The following KDM3B variants were observed in gnomAD, a reference collection of about 807,000 sequenced individuals.
The protein encoded by KDM3B is lysine-specific demethylase 3B.
A neutral mutation model predicts 170.0 loss-of-function variants in KDM3B; 10 were observed. The observed-to-expected ratio is 0.06, with a 90% CI of 0.04 to 0.10. The LOEUF is 0.10. Among genes scored for constraint, KDM3B ranks in the 10% least tolerant of loss-of-function variants. The probability of loss-of-function intolerance (pLI) is 1.00; values close to 1 mark genes in which losing one functional copy is unlikely to be tolerated. For missense variants in KDM3B, 1,394 were observed against 2,195.2 expected (o/e 0.64, Z 7.29); for synonymous variants, 831 against 834.8 (o/e 1.00, Z 0.08).
At chr5:138,423,739 T>TA (rs1763329966) in intron 15 of KDM3B, among the ~76,000 whole-genome samples, 2 of 152,202 alleles carry the variant, frequency 1.3e-5, no homozygotes. Context: ...TACACTCAGT[T>TA]ACAGCATTTG....
chr5:138,414,190 G>T (rs1014069991), intron 11 of KDM3B, among the ~76,000 whole-genome samples: 24 of 151,706 alleles, frequency 1.6e-4, no homozygotes, highest in African/African-American at 5.8e-4. Flanking sequence ...TTTTGAGATG[G>T]AGTCTCGCTC....
rs147878168 is a variant in KDM3B, at chr5:138,399,684, T to C, written c.3047-176T>C. Among the ~76,000 whole-genome samples, 375 of 152,308 alleles carry C rather than the reference T, an allele frequency of 2.5e-3. 6 individuals are homozygous for C. Among genetic ancestry groups the C allele is most frequent in the East Asian group, 0.022 (115 of 5,186 alleles). ...TAAATAAGTTATATAGTCTCTTTGT[T>C]CAGAAATACTAGAAATTATTGTATT... On this transcript the variant is annotated intron_variant, in intron 10 of 23. Coordinates refer to ENST00000314358, the MANE Select transcript of KDM3B (RefSeq NM_016604.4).
chr5:138,430,176 T>A, intron 21 of KDM3B, 73 bp from the exon 22 acceptor site: 2 of 1,528,838 alleles, frequency 1.3e-6, no homozygotes, highest in Non-Finnish European at 8.9e-7. Flanking sequence ...CTTAGGACAT[T>A]GCTGCAGCAA....
At chr5:138,409,688 T>G (rs1394354477) in intron 11 of KDM3B, among the ~76,000 whole-genome samples, 2 of 152,042 alleles carry the variant, frequency 1.3e-5, no homozygotes, top group African/African-American at 2.4e-5. Flanking sequence ...GAAACTGAAG[T>G]GGGAGAATCA....
chr5:138,362,045 C>T (rs1426565111), intron 1 of KDM3B, among the ~76,000 whole-genome samples: 3 of 152,110 alleles, frequency 2.0e-5, no homozygotes, highest in Admixed American at 6.6e-5. Flanking sequence ...CTAGGCCGGG[C>T]GCTGTGGCTC....
chr5:138,421,909 A>C (rs1580950338), intron 15 of KDM3B, among the ~76,000 whole-genome samples: 1 of 150,668 alleles, frequency 6.6e-6, no homozygotes, highest in African/African-American at 2.4e-5. Flanking sequence ...TTCAACTACC[A>C]CTCTCTGTTC....
At position 138,352,853 on chromosome 5, in the gene KDM3B, A is replaced by G; in HGVS notation, c.58A>G (p.Thr20Ala). ...GKRLLLLFAD[T>A]AASASASAPA... Reference sequence around the variant, plus strand: ...GCGGCTGCTGCTGCTGTTCGCGGACACTGCGGCCTCAGCCTCGGCCTCGGC... The same window carrying G: ...GCGGCTGCTGCTGCTGTTCGCGGACGCTGCGGCCTCAGCCTCGGCCTCGGC... The change falls in exon 1 of 24, where the codon ACT becomes GCT. Residue 20 changes from threonine (T) to alanine (A), a missense_variant. Around this residue, in one of 19 missense-constraint regions of KDM3B, gnomAD observed 99 missense variants for 97.5 expected, o/e 1.02. Transcript: ENST00000314358. 2 of 1,372,626 alleles carry G rather than the reference A, an allele frequency of 1.5e-6. No homozygotes were observed. Among genetic ancestry groups the G allele is most frequent in the South Asian group, 3.1e-5 (2 of 64,296 alleles). The allele number at this position is 1,372,626 out of a possible 1,614,324, so 85.0% of individuals were successfully genotyped here. A position where few individuals can be genotyped will look rare whatever the true frequency, so the allele number is the denominator to read the frequency against.
In KDM3B at chr5:138,392,264, G is replaced by A; in HGVS notation, c.2629+3G>A. The stretch of plus-strand genomic sequence containing the variant: ...GCCTCGGACTGCCCCCCTGAAAGGT[G>A]ATCCTGCTGGGGCTATATTTGGGCT... On this transcript the variant is annotated splice_donor_region_variant and intron_variant, in intron 8 of 23. Coordinates refer to ENST00000314358, the MANE Select transcript of KDM3B (RefSeq NM_016604.4). 1.3e-6 allele frequency: 2 copies of A among 1,485,526 alleles called. No individual in the cohort carries two copies. Among genetic ancestry groups the A allele is most frequent in the South Asian group, 1.5e-5 (1 of 68,568 alleles). The allele number at this position is 1,485,526 out of a possible 1,614,324, so 92.0% of individuals were successfully genotyped here.
intron 11 of KDM3B, among the ~76,000 whole-genome samples, chr5:138,411,144 A>G (rs551025542): frequency 6.6e-6 from 1 of 152,278 alleles, no homozygotes; most frequent in South Asian, 2.1e-4. Flanking sequence ...CTACTGCTAG[A>G]CCACGGTCCA....
chr5:138,393,433 C>T (rs1762481707), intron 9 of KDM3B, 61 bp downstream of exon 9: 1 of 1,332,340 alleles, frequency 7.5e-7, no homozygotes, highest in Non-Finnish European at 1.1e-6. Context: ...AACTTCCACT[C>T]TTTCTCTGAG....
intron 3 of KDM3B, among the ~76,000 whole-genome samples, chr5:138,375,410 A>G (rs527919521): frequency 7.3e-5 from 11 of 151,112 alleles, no homozygotes; most frequent in African/African-American, 2.7e-4. Flanking sequence ...CAGAGTCTCG[A>G]TATGTCCCCC....
chr5:138,373,401 GT>G (rs1761921297), intron 2 of KDM3B, among the ~76,000 whole-genome samples: 1 of 151,952 alleles, frequency 6.6e-6, no homozygotes, highest in Admixed American at 6.6e-5. Flanking sequence ...TCAGAGCAAG[GT>G]TTTGAAACAT....
At chr5:138,409,277 C>T (rs1762901989) in intron 11 of KDM3B, among the ~76,000 whole-genome samples, 1 of 151,780 alleles carries the variant, frequency 6.6e-6, no homozygotes, top group Admixed American at 6.6e-5. Flanking sequence ...TCTCAGACAA[C>T]ATGATCATCT....
intron 6 of KDM3B, among the ~76,000 whole-genome samples, chr5:138,384,829 A>G (rs1261631361): frequency 6.7e-6 from 1 of 149,392 alleles, no homozygotes; most frequent in African/African-American, 2.5e-5. Flanking sequence ...CAAGACAGTC[A>G]CTTGAACCCG....
chr5:138,364,002 C>T (rs1761682734), intron 1 of KDM3B, among the ~76,000 whole-genome samples: 2 of 151,598 alleles, frequency 1.3e-5, no homozygotes, highest in Non-Finnish European at 2.9e-5. Flanking sequence ...CTGCAACCTC[C>T]GCCTCCCGAC....
intron 1 of KDM3B, among the ~76,000 whole-genome samples, chr5:138,360,143 A>G (rs1354774293): frequency 2.6e-5 from 4 of 152,172 alleles, no homozygotes; most frequent in Non-Finnish European, 4.4e-5. Flanking sequence ...CCAGTGTACA[A>G]TTCGCTACCT....
intron 15 of KDM3B, among the ~76,000 whole-genome samples, 177 bp downstream of exon 15, chr5:138,421,139 T>G (rs1270639341): frequency 6.6e-6 from 1 of 152,248 alleles, no homozygotes; most frequent in Non-Finnish European, 1.5e-5. Flanking sequence ...TGTACCATGT[T>G]AGGAAGTCTG....
intron 11 of KDM3B, among the ~76,000 whole-genome samples, chr5:138,404,708 C>T (rs998737644): frequency 6.6e-6 from 1 of 151,460 alleles, no homozygotes; most frequent in African/African-American, 2.4e-5. Flanking sequence ...ATGGAATGAA[C>T]TTTTTTGTTT....
chr5:138,395,309 C>T (rs1762520070), intron 9 of KDM3B, among the ~76,000 whole-genome samples: 1 of 152,186 alleles, frequency 6.6e-6, no homozygotes, highest in South Asian at 2.1e-4. Flanking sequence ...GGACCAAACT[C>T]TGGTACTCTC....
Sources: gnomAD v4.1 joint callset for allele counts (sites outside exome capture counted in the v4.1 genomes callset) on GRCh38, gnomAD v4.1.1 for gene constraint, gnomAD v4.1.1 regional missense constraint, MANE v1.5 for transcripts, NCBI Gene and HGNC (gene_info 2026-07-23, HGNC 2026-07-21) for gene names.